The following RORA variants were observed in gnomAD, a reference collection of about 807,000 sequenced individuals.
RORA encodes the protein nuclear receptor ROR-alpha.
In RORA, 7 loss-of-function variants were observed where a neutral mutation model predicts 69.5. The observed-to-expected ratio is 0.10, with a 90% CI of 0.06 to 0.19. RORA has a LOEUF of 0.19. Among genes scored for constraint, RORA ranks in the 10% least tolerant of loss-of-function variants. RORA has a pLI of 1.00. For synonymous variants in RORA, 261 were observed against 240.8 expected (o/e 1.08, Z -0.78); for missense variants, 457 against 663.0 (o/e 0.69, Z 3.41).
intron 1 of RORA, among the ~76,000 whole-genome samples, chr15:61,074,366 T>G (rs944811041): frequency 3.3e-5 from 5 of 152,198 alleles, no homozygotes; most frequent in African/African-American, 4.8e-5. Context: ...TTTAAAAACA[T>G]ACAAGCACCT....
Position 60,592,933 on chromosome 15 carries a change from G to C in RORA, c.197-61082C>G, listed in dbSNP as rs532045589. On this transcript the variant is annotated intron_variant, in intron 2 of 10. Transcript: ENST00000335670. ...GCCACTCTCCCGCTGGCTTGCCGGA[G>C]CACTCGGGGGCGATAAATGCGCCAG... 23 of 455,782 alleles carry C rather than the reference G, an allele frequency of 5.0e-5. No homozygotes were observed. The Admixed American group carries it at 5.4e-4, about 11-fold the overall frequency. 28.2% of individuals were successfully genotyped at this position (455,782 alleles called of 1,614,324 possible). A position where few individuals can be genotyped will look rare whatever the true frequency, so the allele number is the denominator to read the frequency against.
At chr15:61,152,244 A>C (rs1013221024) in intron 1 of RORA, among the ~76,000 whole-genome samples, 3 of 152,070 alleles carry the variant, frequency 2.0e-5, no homozygotes, top group Admixed American at 1.3e-4. Context: ...AGCTTCCCCA[A>C]CTCCTAAACT....
chr15:61,081,643 T>C (rs1183981214), intron 1 of RORA, among the ~76,000 whole-genome samples: 2 of 151,840 alleles, frequency 1.3e-5, no homozygotes, highest in African/African-American at 2.4e-5. Flanking sequence ...CCATCTCTAC[T>C]AAAAATTCAA....
intron 1 of RORA, among the ~76,000 whole-genome samples, chr15:60,796,290 C>T (rs2072494991): frequency 6.6e-6 from 1 of 152,166 alleles, no homozygotes; most frequent in South Asian, 2.1e-4. Context: ...ACTCTCCAGG[C>T]ACTCACCCTT....
At chr15:60,929,181 T>C (rs767648609) in intron 1 of RORA, among the ~76,000 whole-genome samples, 2 of 152,160 alleles carry the variant, frequency 1.3e-5, no homozygotes, top group Non-Finnish European at 2.9e-5. Flanking sequence ...TAATTTATCA[T>C]ACCTTGTCAA....
chr15:60,592,323 C>T (rs1300632054), intron 2 of RORA: 38 of 1,217,966 alleles, frequency 3.1e-5, no homozygotes, highest in Non-Finnish European at 4.0e-5. Context: ...TCCCCCTGCG[C>T]GCCCTCCTCC....
intron 1 of RORA, among the ~76,000 whole-genome samples, chr15:61,111,127 T>C (rs914623705): frequency 6.6e-6 from 1 of 152,238 alleles, no homozygotes; most frequent in South Asian, 2.1e-4. Context: ...TGAAGGAGGC[T>C]GAATGGTTTG....
intron 1 of RORA, among the ~76,000 whole-genome samples, chr15:60,772,541 C>T (rs2072093854): frequency 6.6e-6 from 1 of 152,132 alleles, no homozygotes; most frequent in South Asian, 2.1e-4. Flanking sequence ...TTTGCTTTTC[C>T]TCGTATGGGT....
At chr15:61,044,682 C>T (rs142372460) in intron 1 of RORA, among the ~76,000 whole-genome samples, 22 of 152,248 alleles carry the variant, frequency 1.4e-4, no homozygotes, top group Admixed American at 2.0e-4. Flanking sequence ...ATCATATATA[C>T]GCTATATTTC....
intron 1 of RORA, among the ~76,000 whole-genome samples, chr15:60,866,618 A>C (rs2073490077): frequency 6.6e-6 from 1 of 152,004 alleles, no homozygotes; most frequent in African/African-American, 2.4e-5. Context: ...TCTAGGGAGG[A>C]GAGAGGGGCT....
intron 1 of RORA, among the ~76,000 whole-genome samples, chr15:60,932,033 G>A (rs920926378): frequency 2.0e-5 from 3 of 148,822 alleles, no homozygotes; most frequent in African/African-American, 7.4e-5. Flanking sequence ...TGAATCAAGA[G>A]TTTTTTTTTT....
rs1042837334 is a variant in RORA, at chr15:60,531,759, G to A, written c.282+7C>T. On this transcript the variant is annotated splice_region_variant and intron_variant, in intron 3 of 10. Transcript: ENST00000335670. This position sits in a 1 kb window ranked among gnomAD's most constrained non-coding sequence, Gnocchi z 4.8. Reference sequence around the variant, plus strand: ...TAATAGAAACAACAACAATTAAAAAGGCTTACCTTGCAGCCTTCACATGTA... The same window carrying A: ...TAATAGAAACAACAACAATTAAAAAAGCTTACCTTGCAGCCTTCACATGTA... 8.1e-6 allele frequency: 12 copies of A among 1,489,544 alleles called. No homozygotes were observed. In the African/African-American group the frequency reaches 1.7e-4, roughly 21 times the overall value. 92.3% of individuals were successfully genotyped at this position (1,489,544 alleles called of 1,614,324 possible).
chr15:60,616,298 G>A (rs1251157849), intron 2 of RORA, among the ~76,000 whole-genome samples: 2 of 152,122 alleles, frequency 1.3e-5, no homozygotes, highest in East Asian at 3.9e-4. Flanking sequence ...GTGCTATGAC[G>A]CGTCTTCAGT....
intron 1 of RORA, among the ~76,000 whole-genome samples, chr15:60,994,428 T>G (rs952183820): frequency 1.3e-5 from 2 of 152,238 alleles, no homozygotes; most frequent in African/African-American, 4.8e-5. Flanking sequence ...TAACCAGACC[T>G]ACATCTCCAT....
intron 1 of RORA, among the ~76,000 whole-genome samples, chr15:60,679,257 T>C (rs2070605283): frequency 6.6e-6 from 1 of 152,200 alleles, no homozygotes; most frequent in Admixed American, 6.5e-5. Flanking sequence ...TCTCTAAAAA[T>C]GGCCCCCAAA....
chr15:60,866,589 C>A (rs555697317), intron 1 of RORA, among the ~76,000 whole-genome samples: 1 of 152,150 alleles, frequency 6.6e-6, no homozygotes, highest in Non-Finnish European at 1.5e-5. Context: ...TTGGGACTCT[C>A]AGCCCCACTC....
intron 2 of RORA, among the ~76,000 whole-genome samples, chr15:60,545,709 G>A (rs2067048677): frequency 6.6e-6 from 1 of 152,164 alleles, no homozygotes; most frequent in South Asian, 2.1e-4. Flanking sequence ...AAGTGAATCT[G>A]TTATTTTCCT....
intron 2 of RORA, among the ~76,000 whole-genome samples, chr15:60,584,722 A>T (rs2068282414): frequency 6.6e-6 from 1 of 152,224 alleles, no homozygotes; most frequent in African/African-American, 2.4e-5. Context: ...AGATGAACAA[A>T]TAAAAAGAAG....
At chr15:60,734,045 G>A (rs1645028862) in intron 1 of RORA, among the ~76,000 whole-genome samples, 1 of 152,136 alleles carries the variant, frequency 6.6e-6, no homozygotes, top group South Asian at 2.1e-4. Flanking sequence ...GAGACAGAGA[G>A]TGAGATGGAG....
Sources: allele counts gnomAD v4.1 joint callset (sites outside exome capture counted in the v4.1 genomes callset), GRCh38; gene constraint gnomAD v4.1.1; non-coding constraint Gnocchi (gnomAD v3.1); transcripts MANE v1.5; gene names NCBI Gene and HGNC (gene_info 2026-07-23, HGNC 2026-07-21).